The following OXNAD1 variants were observed in gnomAD, a reference collection of about 807,000 sequenced individuals.
OXNAD1 encodes oxidoreductase NAD-binding domain-containing protein 1.
Under a neutral mutation model 32.9 loss-of-function variants are expected in OXNAD1, and 34 were observed. The observed-to-expected ratio is 1.03, with a 90% confidence interval of 0.79 to 1.38. The LOEUF (loss-of-function observed/expected upper bound fraction) is 1.38. Among genes scored for constraint, OXNAD1 ranks in the 40% most tolerant of loss-of-function variants. OXNAD1 has a pLI of 0.00. For synonymous variants in OXNAD1, 134 were observed against 135.2 expected, an observed-to-expected ratio of 0.99 and a Z score of 0.06; for missense variants, 407 against 379.4, an observed-to-expected ratio of 1.07 and a Z score of -0.60.
intron 9 of OXNAD1, among the ~76,000 whole-genome samples, chr3:16,325,284 G>T (rs141478432): frequency 7.9e-5 from 12 of 152,318 alleles, no homozygotes; most frequent in African/African-American, 2.9e-4. Flanking sequence ...ACACAGTGAG[G>T]ATTCAAACAC....
chr3:16,338,465 T>C (rs2071071083), downstream of OXNAD1, among the ~76,000 whole-genome samples: 1 of 152,236 alleles, frequency 6.6e-6, no homozygotes. This position sits in a 1 kb window ranked among gnomAD's most constrained non-coding sequence, Gnocchi z 5.3. Context: ...ACGTATGCAA[T>C]AGCACAGGGC....
Position 16,316,376 on chromosome 3 carries a change from T to G in OXNAD1, c.*30+12784T>G. 5.2e-6 allele frequency: 1 copy of G among 191,912 alleles called. No individual in the cohort carries two copies. Among genetic ancestry groups the G allele is most frequent in the Non-Finnish European group, 1.1e-5 (1 of 94,944 alleles). The allele number at this position is 191,912 out of a possible 1,614,324, so 11.9% of individuals were successfully genotyped here. On this transcript the variant is annotated intron_variant, in intron 9 of 9. Coordinates refer to the OXNAD1 transcript ENST00000435829. The surrounding 1 kb of genome is among the most constrained non-coding windows in gnomAD (Gnocchi z 4.5). ...AGGGCAGCTGACAGGGCTCCTGGAG[T>G]TGTTAAGTCACCAAGTAGCTGCAGG...
At position 16,302,718 on chromosome 3, in the gene OXNAD1, A is replaced by G; in HGVS notation, c.754A>G (p.Ile252Val). 1 of 1,613,152 alleles carries G rather than the reference A, an allele frequency of 6.2e-7. No individual in the cohort carries two copies. Among genetic ancestry groups the G allele is most frequent in the South Asian group, 1.1e-5 (1 of 91,026 alleles). The change falls in exon 8 of 9, where the codon ATC becomes GTC. Residue 252 changes from isoleucine (I) to valine (V), a missense_variant. By Grantham distance (29) the Ile-to-Val change is conservative. Transcript: ENST00000285083. The surrounding 1 kb of genome is among the most constrained non-coding windows in gnomAD (Gnocchi z 4.2). ...SLHVTKQTTQ[I>V]NAELKPYITE... The stretch of plus-strand genomic sequence containing the variant: ...GCATGTTACAAAACAGACTACACAA[A>G]TCAATGCGGAACTCAAGCCATACAT...
At chr3:16,274,480 G>A (rs1422441278) in intron 4 of OXNAD1, among the ~76,000 whole-genome samples, 1 of 152,128 alleles carries the variant, frequency 6.6e-6, no homozygotes, top group Non-Finnish European at 1.5e-5. Flanking sequence ...AAAAGGTCAG[G>A]CAACACAGAA....
chr3:16,316,754 GC>G lies in OXNAD1; in HGVS notation c.*30+13167del. On this transcript the variant is annotated intron_variant, in intron 9 of 9. Transcript: ENST00000435829. The surrounding 1 kb of genome is among the most constrained non-coding windows in gnomAD (Gnocchi z 4.5). ...GTAACACACAACACCAGGGAAACCA[GC>G]CCCCAAACCAGCTGTTGGTAAGATG... 6.4e-7 allele frequency: 1 copy of G among 1,573,062 alleles called. No homozygotes were observed.
chr3:16,313,640 C>G (rs945648589), intron 9 of OXNAD1: 1 of 152,120 alleles, frequency 6.6e-6, no homozygotes, highest in South Asian at 2.1e-4. Context: ...AGGTGGGTGC[C>G]ATTTCACCCC....
rs1389718996 is a variant in OXNAD1, at chr3:16,346,011, G to A, written c.*31-3165G>A. The A allele has an allele frequency of 6.6e-6, 1 of 152,080 alleles. No individual in the cohort carries two copies. The highest frequency in any genetic ancestry group is 1.5e-5 in the Non-Finnish European group (1 of 68,040). 9.4% of individuals were successfully genotyped at this position (152,080 alleles called of 1,614,324 possible). A position where few individuals can be genotyped will look rare whatever the true frequency, so the allele number is the denominator to read the frequency against. ...TTCATCCTCTCTTCCTCTGCAGCAA[G>A]AATCAAAATTCACTTTGCCCCATGA... On this transcript the variant is annotated intron_variant, in intron 9 of 9. Coordinates refer to the OXNAD1 transcript ENST00000606098. This position sits in a 1 kb window ranked among gnomAD's most constrained non-coding sequence, Gnocchi z 4.4.
At chr3:16,292,511 A>G (rs2066501981) in intron 5 of OXNAD1, among the ~76,000 whole-genome samples, 2 of 152,104 alleles carry the variant, frequency 1.3e-5, no homozygotes, top group African/African-American at 4.8e-5. Flanking sequence ...TTTCTTGATG[A>G]TAACATTTGT....
In OXNAD1 at chr3:16,344,001, A is replaced by G. The variant is rs2071481000; in HGVS notation, c.*31-5175A>G. Among the ~76,000 whole-genome samples, 1 of 152,200 alleles carries G rather than the reference A, an allele frequency of 6.6e-6. No homozygotes were observed. The highest frequency in any genetic ancestry group is 1.5e-5 in the Non-Finnish European group (1 of 68,044). On this transcript the variant is annotated intron_variant, in intron 9 of 9. Coordinates refer to the OXNAD1 transcript ENST00000606098. The surrounding 1 kb of genome is among the most constrained non-coding windows in gnomAD (Gnocchi z 4.4). The stretch of plus-strand genomic sequence containing the variant: ...TGGAGCAGGGTCTCAGCAGAGAGTG[A>G]GCAACCAGAAAGAAACATGGGCTGT...
downstream of OXNAD1, among the ~76,000 whole-genome samples, chr3:16,341,514 A>G (rs1300631742): frequency 1.3e-5 from 2 of 152,202 alleles, no homozygotes; most frequent in Non-Finnish European, 2.9e-5. The surrounding 1 kb of genome is among the most constrained non-coding windows in gnomAD (Gnocchi z 4.7). Flanking sequence ...TTAAATCCAT[A>G]TTACTAAGTG....
intron 5 of OXNAD1, among the ~76,000 whole-genome samples, chr3:16,294,498 T>C (rs2066639374): frequency 6.6e-6 from 1 of 152,232 alleles, no homozygotes; most frequent in African/African-American, 2.4e-5. Flanking sequence ...CGTGAGCCAC[T>C]GCGACTGGCC....
At chr3:16,350,988 C>T (rs2072058535), downstream of OXNAD1, among the ~76,000 whole-genome samples, 1 of 152,118 alleles carries the variant, frequency 6.6e-6, no homozygotes, top group Non-Finnish European at 1.5e-5. Context: ...TGGTTGGGAG[C>T]CTTTGAAAGC....
intron 6 of OXNAD1, 46 bp downstream of exon 6, chr3:16,295,043 C>CA (rs1188077520): frequency 1.3e-6 from 2 of 1,546,154 alleles, no homozygotes; most frequent in South Asian, 2.5e-5. Context: ...GTATCTCTGC[C>CA]ACCCACAAAA....
In OXNAD1 at chr3:16,345,918, G is replaced by T. The variant is rs942041457; in HGVS notation, c.*31-3258G>T. On this transcript the variant is annotated intron_variant, in intron 9 of 9. Coordinates refer to the OXNAD1 transcript ENST00000606098. The surrounding 1 kb of genome is among the most constrained non-coding windows in gnomAD (Gnocchi z 5.2). ...AACCCTAATACACTTCTTTCTTGTT[G>T]TTCTGTGGCATACACTGAATATTTT... 5 of 151,518 alleles carry T rather than the reference G, an allele frequency of 3.3e-5. No homozygotes were observed. The highest frequency in any genetic ancestry group is 2.1e-4 in the South Asian group (1 of 4,806). The allele number at this position is 151,518 out of a possible 1,614,324, so 9.4% of individuals were successfully genotyped here.
At chr3:16,278,086 C>T (rs1439083000) in intron 4 of OXNAD1, among the ~76,000 whole-genome samples, 2 of 152,048 alleles carry the variant, frequency 1.3e-5, no homozygotes, top group Non-Finnish European at 1.5e-5. Flanking sequence ...GAGAGTTTGG[C>T]AGTGAAAGAA....
intron 2 of OXNAD1, 122 bp from the exon 3 acceptor site, chr3:16,270,823 T>C: frequency 7.1e-7 from 1 of 1,413,328 alleles, no homozygotes; most frequent in Non-Finnish European, 9.5e-7. Context: ...GCTTTGGTGG[T>C]AACTTGACTC....
At position 16,316,423 on chromosome 3, in the gene OXNAD1, A is replaced by T; in HGVS notation, c.*30+12831A>T. ...CAGGGGATGGACACTGCCCCACACGATGTGGGATGAACAGCAGCCTTGGTT... is the reference window on the plus strand; with the variant it reads ...CAGGGGATGGACACTGCCCCACACGTTGTGGGATGAACAGCAGCCTTGGTT... On this transcript the variant is annotated intron_variant, in intron 9 of 9. Coordinates refer to the OXNAD1 transcript ENST00000435829. This position sits in a 1 kb window ranked among gnomAD's most constrained non-coding sequence, Gnocchi z 4.5. The T allele has an allele frequency of 3.9e-6, 1 of 255,586 alleles. No homozygotes were observed. Among genetic ancestry groups the T allele is most frequent in the South Asian group, 4.3e-5 (1 of 23,350 alleles). The allele number at this position is 255,586 out of a possible 1,614,324, so 15.8% of individuals were successfully genotyped here. A position where few individuals can be genotyped will look rare whatever the true frequency, so the allele number is the denominator to read the frequency against.
chr3:16,266,322 G>T (rs1173334035), intron 1 of OXNAD1, among the ~76,000 whole-genome samples: 3 of 152,096 alleles, frequency 2.0e-5, no homozygotes, highest in African/African-American at 7.2e-5. Context: ...ATATCCCTGT[G>T]CACTTTTGAA....
rs573469844 is a variant in OXNAD1 at position 16,335,726 on chromosome 3, G to A, written c.*31-1386G>A. Among the ~76,000 whole-genome samples the A allele has an allele frequency of 1.5e-3, 225 of 149,446 alleles. 1 individual carries two copies. The highest frequency in any genetic ancestry group is 5.0e-3 in the African/African-American group (204 of 40,396). The stretch of plus-strand genomic sequence containing the variant: ...CTGAGCAGCAACACACATGGCACAC[G>A]TTTACCTATGTAACAAGCCTGCATA... On this transcript the variant is annotated intron_variant, in intron 9 of 9. Transcript: ENST00000435829. The surrounding 1 kb of genome is among the most constrained non-coding windows in gnomAD (Gnocchi z 4.7).
Sources: allele counts gnomAD v4.1 joint callset (sites outside exome capture counted in the v4.1 genomes callset), GRCh38; gene constraint gnomAD v4.1.1; non-coding constraint Gnocchi (gnomAD v3.1); transcripts MANE v1.5; gene names NCBI Gene and HGNC (gene_info 2026-07-23, HGNC 2026-07-21).